PLAUR: variants seen among roughly 807,000 people sequenced by gnomAD.
The protein encoded by PLAUR is plasminogen activator, urokinase receptor.
PLAUR carries 22 observed loss-of-function variants against 33.4 expected under a neutral mutation model. The ratio of observed to expected loss-of-function variants is 0.66; its 90% confidence interval spans 0.47 to 0.94. The LOEUF is 0.94. PLAUR is among the 40% of genes least tolerant of loss of function. The pLI is 0.00. For missense variants in PLAUR, 408 were observed against 434.7 expected, an observed-to-expected ratio of 0.94 and a Z score of 0.55; for synonymous variants, 148 against 167.3, an observed-to-expected ratio of 0.88 and a Z score of 0.89.
chr19:43,662,623 C>T (rs992918747), intron 3 of PLAUR, among the ~76,000 whole-genome samples: 1 of 152,190 alleles, frequency 6.6e-6, no homozygotes, highest in Non-Finnish European at 1.5e-5. Flanking sequence ...AGCTTTCCAG[C>T]TCATCTCGCC....
intron 3 of PLAUR, among the ~76,000 whole-genome samples, chr19:43,664,539 G>A (rs1967143487): frequency 6.6e-6 from 1 of 152,146 alleles, no homozygotes; most frequent in Non-Finnish European, 1.5e-5. Flanking sequence ...TAAACTCTTG[G>A]GCTCAAGCGG....
At chr19:43,667,968 GC>G in intron 1 of PLAUR, 1 of 1,290,044 alleles carries the variant, frequency 7.8e-7, no homozygotes, top group African/African-American at 1.5e-5. Flanking sequence ...TCCTCGTGAG[GC>G]GTATATCCTG....
In PLAUR at chr19:43,663,130, G is replaced by T. The variant is rs551715580; in HGVS notation, c.310+2186C>A. Reference sequence around the variant, plus strand: ...CAGCTCCTACTCTTCCCTCATCCCAGCCCTGACCCCTCTGCCTGTGTTTCC... The same window carrying T: ...CAGCTCCTACTCTTCCCTCATCCCATCCCTGACCCCTCTGCCTGTGTTTCC... On this transcript the variant is annotated intron_variant, in intron 3 of 6. Coordinates refer to ENST00000340093, the MANE Select transcript of PLAUR (RefSeq NM_002659.4). 2.0e-3 allele frequency among the ~76,000 whole-genome samples: 305 copies of T among 152,136 alleles called. 2 individuals carry two copies. The highest frequency in any genetic ancestry group is 7.1e-3 in the African/African-American group (295 of 41,502).
chr19:43,655,146 G>T (rs1351635320), intron 5 of PLAUR, among the ~76,000 whole-genome samples: 1 of 151,912 alleles, frequency 6.6e-6, no homozygotes, highest in Admixed American at 6.6e-5. Flanking sequence ...GGGTGATGGT[G>T]GGCACCTGTA....
At chr19:43,669,039 C>T (rs963421174) in intron 1 of PLAUR, among the ~76,000 whole-genome samples, 48 of 152,332 alleles carry the variant, frequency 3.2e-4, no homozygotes, top group African/African-American at 1.0e-3. Flanking sequence ...CGGAGTATCC[C>T]GGAGCTGTTA....
Position 43,648,941 on chromosome 19 carries a change from G to T in PLAUR, c.957C>A (p.Ile319=). The change falls in exon 7 of 7, where the codon ATC becomes ATA. Residue 319 remains isoleucine, a synonymous_variant. Coordinates refer to ENST00000340093, the MANE Select transcript of PLAUR (RefSeq NM_002659.4). ...QPGPAHLSLT[I]TLLMTARLWG... is the part of the protein sequence containing the mutation. ...ACAGTCTGGCAGTCATTAGCAGGGT[G>T]ATGGTGAGGCTGAGATGGGCAGGGC... 6 of 1,614,190 alleles carry T rather than the reference G, an allele frequency of 3.7e-6. No individual in the cohort carries two copies. Among genetic ancestry groups the T allele is most frequent in the Non-Finnish European group, 5.1e-6 (6 of 1,180,018 alleles).
chr19:43,654,420 C>G (rs911911571), intron 5 of PLAUR, among the ~76,000 whole-genome samples: 69 of 152,112 alleles, frequency 4.5e-4, no homozygotes, highest in African/African-American at 1.6e-3. Context: ...CATTGAAGTG[C>G]CTGAGAAAGG....
At chr19:43,667,443 A>G in intron 2 of PLAUR, 138 bp downstream of exon 2, 1 of 646,314 alleles carries the variant, frequency 1.5e-6, no homozygotes, top group Non-Finnish European at 2.8e-6. Context: ...AATGCTTGCC[A>G]ATCTGGTGGG....
At chr19:43,670,045 C>A (rs1244134326) in intron 1 of PLAUR, 21 bp downstream of exon 1, 1 of 1,611,800 alleles carries the variant, frequency 6.2e-7, no homozygotes, top group African/African-American at 1.3e-5. Flanking sequence ...CAGGCGCAGG[C>A]GTTCGGGACC....
chr19:43,656,444 C>G, intron 4 of PLAUR, 35 bp downstream of exon 4: 1 of 1,543,688 alleles, frequency 6.5e-7, no homozygotes, highest in Non-Finnish European at 8.8e-7. Context: ...AGGAGCAGAG[C>G]AGGGAGGAGG....
chr19:43,658,719 A>C (rs1974310366), intron 3 of PLAUR, among the ~76,000 whole-genome samples: 2 of 152,164 alleles, frequency 1.3e-5, no homozygotes, highest in African/African-American at 4.8e-5. Context: ...AGTCTTAAAA[A>C]AGTGAGAGGA....
At chr19:43,646,599 A>T (rs756111093), downstream of PLAUR, 10 of 711,336 alleles carry the variant, frequency 1.4e-5, no homozygotes, top group Non-Finnish European at 2.4e-5. Context: ...TGGTTCCAGA[A>T]CATAGCACAG....
intron 1 of PLAUR, among the ~76,000 whole-genome samples, chr19:43,669,133 C>A (rs374391218): frequency 1.1e-3 from 167 of 152,368 alleles, no homozygotes; most frequent in African/African-American, 3.9e-3. Flanking sequence ...CGCCCTGACT[C>A]AGTTCCTTCT....
Position 43,652,294 on chromosome 19 carries a change from A to G in PLAUR, c.685T>C (p.Ser229Pro). ...CKGNSTHGCS[S>P]EETFLIDCRG... The stretch of plus-strand genomic sequence containing the variant: ...CAGTCAATGAGGAAAGTCTCTTCAG[A>G]GGAGCATCCATGGGTGCTGTTCCCC... Residue 229 changes from serine (S) to proline (P), a missense_variant, in exon 6 of 7, where the codon TCT (serine) becomes CCT (proline). Coordinates refer to ENST00000340093, the MANE Select transcript of PLAUR (RefSeq NM_002659.4). The G allele has an allele frequency of 6.2e-7, 1 of 1,614,152 alleles. No individual in the cohort carries two copies.
At chr19:43,656,889 C>A in intron 3 of PLAUR, 1 of 367,734 alleles carries the variant, frequency 2.7e-6, no homozygotes, top group Non-Finnish European at 4.9e-6. Flanking sequence ...TCTTGTCACC[C>A]CCTACTCACC....
intron 3 of PLAUR, chr19:43,660,722 C>G (rs1966943622): frequency 6.6e-6 from 1 of 151,902 alleles, no homozygotes; most frequent in Non-Finnish European, 1.5e-5. Context: ...AACTCTCAGG[C>G]TCAAGAAATC....
intron 3 of PLAUR, chr19:43,656,888 C>A: frequency 2.7e-6 from 1 of 367,862 alleles, no homozygotes; most frequent in Non-Finnish European, 4.9e-6. Context: ...TTCTTGTCAC[C>A]CCCTACTCAC....
chr19:43,658,728 G>A (rs1274326005), intron 3 of PLAUR, among the ~76,000 whole-genome samples: 4 of 152,190 alleles, frequency 2.6e-5, no homozygotes, highest in Admixed American at 6.6e-5. Flanking sequence ...AAAGTGAGAG[G>A]ACCATGTCAG....
chr19:43,666,331 T>C (rs985198670), intron 2 of PLAUR, among the ~76,000 whole-genome samples: 1 of 152,178 alleles, frequency 6.6e-6, no homozygotes, highest in African/African-American at 2.4e-5. Context: ...TGTGTCCACA[T>C]TGGTATCTGC....
Sources: allele counts gnomAD v4.1 joint callset (sites outside exome capture counted in the v4.1 genomes callset), GRCh38; gene constraint gnomAD v4.1.1; transcripts MANE v1.5; gene names NCBI Gene and HGNC (gene_info 2026-07-23, HGNC 2026-07-21).